The following DIS3L2 variants were observed in gnomAD, a reference collection of about 807,000 sequenced individuals.
DIS3L2 encodes the protein DIS3-like exonuclease 2.
DIS3L2 carries 34 observed loss-of-function variants against 97.5 expected under a neutral mutation model. The ratio of observed to expected loss-of-function variants is 0.35; its 90% CI spans 0.27 to 0.46. The LOEUF is 0.46. DIS3L2 is among the 20% of genes least tolerant of loss of function. The pLI is 1.00. For missense variants in DIS3L2, 1,038 were observed against 1,146.0 expected (o/e 0.91, Z 1.36); for synonymous variants, 435 against 445.2 (o/e 0.98, Z 0.29).
At chr2:232,005,170 A>ATTTTTTTTTTTTTTT (rs55757645) in intron 1 of DIS3L2, among the ~76,000 whole-genome samples, 3 of 126,562 alleles carry the variant, frequency 2.4e-5, no homozygotes, top group Admixed American at 8.4e-5. Context: ...AAGAATCTTG[A>ATTTTTTTTTTTTTTT]TTTTTTTTTT....
intron 8 of DIS3L2, among the ~76,000 whole-genome samples, chr2:232,142,515 TATACTC>T (rs1159178203): frequency 1.3e-5 from 2 of 152,324 alleles, no homozygotes; most frequent in African/African-American, 2.4e-5. Flanking sequence ...AACCTCCTCT[TATACTC>T]ATTAAATCCT....
At chr2:232,225,373 A>C (rs941949129) in intron 10 of DIS3L2, among the ~76,000 whole-genome samples, 1 of 152,226 alleles carries the variant, frequency 6.6e-6, no homozygotes, top group Non-Finnish European at 1.5e-5. Flanking sequence ...ATACTCTTAC[A>C]ATGGAATATT....
At chr2:232,236,788 G>T (rs1161884757) in intron 10 of DIS3L2, among the ~76,000 whole-genome samples, 1 of 152,118 alleles carries the variant, frequency 6.6e-6, no homozygotes, top group Non-Finnish European at 1.5e-5. Context: ...GCCTTGCTCT[G>T]TTGCCCAGGC....
exon 14 of DIS3L2, chr2:232,343,614 T>C: frequency 6.4e-7 from 1 of 1,563,218 alleles, no homozygotes; most frequent in Non-Finnish European, 8.7e-7. Context: ...GAAGGAAAGA[T>C]TATGGAAAGA....
intron 6 of DIS3L2, among the ~76,000 whole-genome samples, chr2:232,123,871 C>G (rs1034258641): frequency 6.6e-6 from 1 of 152,274 alleles, no homozygotes; most frequent in Non-Finnish European, 1.5e-5. Flanking sequence ...CAGCAGCTCT[C>G]ACATGGAAAT....
rs768916979 is a variant in DIS3L2 at position 232,292,303 on chromosome 2, G to A, written c.1660-7737G>A. ...CTCCCTAAAGTGCCATCCCCAAGCA[G>A]CAATAATCTGAGCAGCCTGAGGAAG... is the stretch of plus-strand genomic sequence containing the variant. On this transcript the variant is annotated intron_variant, in intron 13 of 20. Coordinates refer to ENST00000325385, the MANE Select transcript of DIS3L2 (RefSeq NM_152383.5). This position sits in a 1 kb window ranked among gnomAD's most constrained non-coding sequence, Gnocchi z 4.4. 1.3e-5 allele frequency among the ~76,000 whole-genome samples: 2 copies of A among 152,150 alleles called. No homozygotes were observed. Among genetic ancestry groups the A allele is most frequent in the Non-Finnish European group, 2.9e-5 (2 of 68,020 alleles).
At chr2:232,015,039 G>T in intron 2 of DIS3L2, 60 bp downstream of exon 2, 1 of 1,577,596 alleles carries the variant, frequency 6.3e-7, no homozygotes. Flanking sequence ...AAAGTGGAAT[G>T]GGTGTGAAGT....
rs537524494 is a variant in DIS3L2, at chr2:232,070,555, A to T, written c.367-16932A>T. Among the ~76,000 whole-genome samples the T allele has an allele frequency of 1.9e-4, 28 of 149,550 alleles. 1 individual carries two copies. In the South Asian group the frequency reaches 5.5e-3, roughly 29 times the overall value. ...ACTCTTCGTTAGTGATTCAGTAAGG[A>T]GGCTTGCTTGTACCGGAGTTAGGTT... is the stretch of plus-strand genomic sequence containing the variant. On this transcript the variant is annotated intron_variant, in intron 5 of 20. Transcript: ENST00000325385.
intron 1 of DIS3L2, among the ~76,000 whole-genome samples, chr2:231,998,538 T>C (rs1693791600): frequency 6.6e-6 from 1 of 152,230 alleles, no homozygotes; most frequent in African/African-American, 2.4e-5. Context: ...TTGATTTGGC[T>C]CATTACCGGT....
intron 9 of DIS3L2, among the ~76,000 whole-genome samples, chr2:232,202,809 G>T (rs752176120): frequency 1.3e-5 from 2 of 152,204 alleles, no homozygotes; most frequent in Admixed American, 6.5e-5. Context: ...TTTGTGTTTT[G>T]TGTCTGCTTC....
chr2:232,203,421 A>G (rs536308098), intron 9 of DIS3L2, among the ~76,000 whole-genome samples: 2 of 152,358 alleles, frequency 1.3e-5, no homozygotes, highest in Admixed American at 6.5e-5. Flanking sequence ...CTTGGAAACA[A>G]TAACACTGTG....
At chr2:231,968,220 C>T (rs562816630) in intron 1 of DIS3L2, among the ~76,000 whole-genome samples, 14 of 152,044 alleles carry the variant, frequency 9.2e-5, no homozygotes, top group Non-Finnish European at 1.9e-4. Flanking sequence ...GCCTCAGTCT[C>T]CCCAGTAGCT....
chr2:232,027,493 G>T (rs115467135), intron 4 of DIS3L2, among the ~76,000 whole-genome samples: 14 of 152,262 alleles, frequency 9.2e-5, no homozygotes, highest in African/African-American at 3.4e-4. Flanking sequence ...AGTAAATGTT[G>T]TCTAATGTTG....
intron 3 of DIS3L2, among the ~76,000 whole-genome samples, chr2:232,017,854 T>G (rs751771073): frequency 2.0e-5 from 3 of 152,200 alleles, no homozygotes; most frequent in Non-Finnish European, 4.4e-5. Context: ...TGTTAGTGTT[T>G]TCCTGTAGTT....
In DIS3L2 at chr2:232,137,416, A is replaced by G. The variant is rs186983975; in HGVS notation, c.950+697A>G. ...AAAAGCAGTAAGTTTTAGCTATGTT[A>G]AGTGTTTATTATAGATGATGTCTGG... On this transcript the variant is annotated intron_variant, in intron 8 of 20. Transcript: ENST00000325385. Among the ~76,000 whole-genome samples, 320 of 152,332 alleles carry G rather than the reference A, an allele frequency of 2.1e-3. 2 individuals are homozygous for G. The highest frequency in any genetic ancestry group is 7.3e-3 in the African/African-American group (303 of 41,580).
At chr2:232,210,530 C>G (rs1229810585) in intron 10 of DIS3L2, 125 bp downstream of exon 10, 1 of 808,858 alleles carries the variant, frequency 1.2e-6, no homozygotes, top group African/African-American at 1.7e-5. Context: ...CGTGCCTGAA[C>G]TTGCCATAGG....
intron 1 of DIS3L2, among the ~76,000 whole-genome samples, chr2:232,008,049 T>C (rs11898287): frequency 0.11 from 16,935 of 152,130 alleles, 1,175 homozygotes; most frequent in African/African-American, 0.2. Context: ...CTCTGTCACT[T>C]GGGCTGGAGT....
chr2:232,333,756 G>GAGAATC lies in DIS3L2; in HGVS notation c.2011-84_2011-83insAGAATC. ...GGTCTGTCCACACATCGCTGCCGACGGTGAGGCTGTGGGTGGTGCCAGCCT... is the reference window on the plus strand; with the variant it reads ...GGTCTGTCCACACATCGCTGCCGACGAGAATCGTGAGGCTGTGGGTGGTGCCAGCCT... On this transcript the variant is annotated intron_variant, in intron 16 of 20. Transcript: ENST00000325385. 13 of 1,487,186 alleles carry GAGAATC rather than the reference G, an allele frequency of 8.7e-6. No homozygotes were observed. In the Admixed American group the frequency reaches 1.1e-4, roughly 13 times the overall value. The allele number at this position is 1,487,186 out of a possible 1,614,324, so 92.1% of individuals were successfully genotyped here.
In DIS3L2 at chr2:232,136,631, G is replaced by A. The variant is rs1574902540; in HGVS notation, c.862G>A (p.Asp288Asn). The change falls in exon 8 of 21, where the codon GAC (aspartate) becomes AAC (asparagine). Residue 288 changes from aspartate (D) to asparagine (N), a missense_variant. By Grantham distance (23) the Asp-to-Asn change is conservative (BLOSUM62 1). Coordinates refer to ENST00000325385, the MANE Select transcript of DIS3L2 (RefSeq NM_152383.5). ...TGTGCCTCTCAAGGACTGTCCCCAG[G>A]ACTTTGTGGCACGGCCTAAAGATTA... ...IYVPLKDCPQDFVARPKDYAN... is the reference protein window; with the variant it reads ...IYVPLKDCPQNFVARPKDYAN... 1 of 1,613,798 alleles carries A rather than the reference G, an allele frequency of 6.2e-7. No homozygotes were observed.
Sources: allele counts gnomAD v4.1 joint callset (sites outside exome capture counted in the v4.1 genomes callset), GRCh38; gene constraint gnomAD v4.1.1; non-coding constraint Gnocchi (gnomAD v3.1); transcripts MANE v1.5; gene names NCBI Gene and HGNC (gene_info 2026-07-23, HGNC 2026-07-21).